DRC3: variants seen among roughly 807,000 people sequenced by gnomAD.
The protein encoded by DRC3 is dynein regulatory complex subunit 3, also known as leucine rich repeat containing 48.
In DRC3, 45 loss-of-function variants were observed where a neutral mutation model predicts 57.6. The observed-to-expected ratio is 0.78, with a 90% CI of 0.62 to 1.00. The LOEUF is 1.00. DRC3 is among the 50% of genes least tolerant of loss of function. The pLI is 0.00. For synonymous variants in DRC3, 257 were observed against 272.3 expected (o/e 0.94, Z 0.55); for missense variants, 655 against 675.2 (o/e 0.97, Z 0.33).
At chr17:17,993,292 C>G (rs1372591760) in intron 6 of DRC3, 1 of 180,396 alleles carries the variant, frequency 5.5e-6, no homozygotes, top group Non-Finnish European at 1.2e-5. Context: ...TCAAGACCAG[C>G]CTGGGCAACA....
At chr17:17,985,058 GCACC>G (rs1449385779) in intron 4 of DRC3, among the ~76,000 whole-genome samples, 1 of 152,134 alleles carries the variant, frequency 6.6e-6, no homozygotes, top group Non-Finnish European at 1.5e-5. Flanking sequence ...CTGCACTCTA[GCACC>G]CATTAATGCT....
rs2145189525 is a variant in DRC3 at position 17,977,496 on chromosome 17, G to A, written c.-17-86G>A. On this transcript the variant is annotated intron_variant, in intron 2 of 13. Coordinates refer to ENST00000399187, the MANE Select transcript of DRC3 (RefSeq NM_031294.4). ...TTCCTCAGAGTGCCAGTGGCCACAAGACACTACAGGGGGAAACCTCAGCCA... is the reference window on the plus strand; with the variant it reads ...TTCCTCAGAGTGCCAGTGGCCACAAAACACTACAGGGGGAAACCTCAGCCA... The A allele has an allele frequency of 2.0e-6, 3 of 1,514,304 alleles. No homozygotes were observed. In the East Asian group the frequency reaches 6.8e-5, roughly 34 times the overall value. 93.8% of individuals were successfully genotyped at this position (1,514,304 alleles called of 1,614,324 possible).
Position 18,004,399 on chromosome 17 carries a change from A to G in DRC3, c.1036A>G (p.Asn346Asp), listed in dbSNP as rs2043868706. The G allele has an allele frequency of 6.2e-7, 1 of 1,607,668 alleles. No homozygotes were observed. ...CATTCGAGAGGAGTTGGAACTGCCC[A>G]ACATTGAGAAGATGATCCTAGAATG... Reference protein sequence around the residue: ...SAIREELELPNIEKMILECSA... With the variant: ...SAIREELELPDIEKMILECSA... The change falls in exon 10 of 14, where the codon AAC (asparagine) becomes GAC (aspartate). Residue 346 changes from asparagine to aspartate, a missense_variant. By Grantham distance (23) the Asn-to-Asp change is conservative (BLOSUM62 1). Transcript: ENST00000399187.
Position 17,987,988 on chromosome 17 carries a change from G to C in DRC3, c.334G>C (p.Glu112Gln). 1.9e-6 allele frequency: 3 copies of C among 1,613,990 alleles called. No individual in the cohort carries two copies. In the South Asian group the frequency reaches 3.3e-5, roughly 18 times the overall value. ...GGGGCTGGACACACTGGTGAACCTG[G>C]AGGACCTGAGCTTGTTCAACAACCG... ...IEGLDTLVNL[E>Q]DLSLFNNRIS... The change falls in exon 5 of 14, where the codon GAG (glutamate) becomes CAG (glutamine). Residue 112 changes from glutamate (E) to glutamine (Q), a missense_variant. By Grantham distance (29) the Glu-to-Gln change is conservative. Transcript: ENST00000399187.
At chr17:17,992,013 G>T (rs1382761785) in intron 5 of DRC3, among the ~76,000 whole-genome samples, 1 of 152,150 alleles carries the variant, frequency 6.6e-6, no homozygotes, top group African/African-American at 2.4e-5. Context: ...GGTGGCTCAC[G>T]CCTGTAATTC....
Position 17,995,103 on chromosome 17 carries a change from C to A in DRC3, c.816C>A (p.Leu272=), listed in dbSNP as rs1414994135. ...CCTACCTGCCTGGTGTCGGTGAGCT[C>A]CTTGAGACATATCCTTCTGAGTTCA... The part of the protein sequence containing the change: ...NLSYLPGVGE[L]LETYKDKFVI... The change falls in exon 8 of 14, where the codon CTC becomes CTA. Residue 272 remains leucine, a synonymous_variant. Coordinates refer to ENST00000399187, the MANE Select transcript of DRC3 (RefSeq NM_031294.4). 6.2e-7 allele frequency: 1 copy of A among 1,612,008 alleles called. No individual in the cohort carries two copies. The highest frequency in any genetic ancestry group is 1.3e-5 in the African/African-American group (1 of 75,002).
At chr17:17,983,781 A>G (rs1369035677) in intron 3 of DRC3, 47 bp from the exon 4 acceptor site, 2 of 1,428,424 alleles carry the variant, frequency 1.4e-6, no homozygotes, top group Non-Finnish European at 2.0e-6. Flanking sequence ...CACTAGCACA[A>G]AACTCTGACC....
chr17:18,016,317 A>G, intron 13 of DRC3, 122 bp downstream of exon 13: 1 of 1,161,842 alleles, frequency 8.6e-7, no homozygotes, highest in South Asian at 1.4e-5. Context: ...AATAAAATTA[A>G]GGATTATAGA....
At position 18,016,714 on chromosome 17, in the gene DRC3, C is replaced by A; in HGVS notation, c.*43C>A. On this transcript the variant is annotated 3_prime_UTR_variant, in exon 14 of 14. Transcript: ENST00000399187. ...GAGCTTCTTCAAAACATAGCACCAG[C>A]CCCAGCCAGGAGAAGGAAGTGCACA... 7.4e-7 allele frequency: 1 copy of A among 1,347,234 alleles called. No homozygotes were observed. The highest frequency in any genetic ancestry group is 1.1e-6 in the Non-Finnish European group (1 of 944,720). 83.5% of individuals were successfully genotyped at this position (1,347,234 alleles called of 1,614,324 possible).
chr17:17,992,654 A>T (rs2145325360), intron 5 of DRC3, 111 bp from the exon 6 acceptor site: 1 of 1,195,608 alleles, frequency 8.4e-7, no homozygotes, highest in Admixed American at 2.3e-5. Flanking sequence ...CCCAGTGCTG[A>T]TGGTGCTGTG....
intron 2 of DRC3, among the ~76,000 whole-genome samples, chr17:17,976,185 G>T (rs2042377740): frequency 6.6e-6 from 1 of 152,138 alleles, no homozygotes; most frequent in South Asian, 2.1e-4. Context: ...AGTAGGGCCA[G>T]CAGGGAGGCA....
In DRC3 at chr17:17,977,712, G is replaced by A. The variant is rs777308184; in HGVS notation, c.114G>A (p.Glu38=). The A allele has an allele frequency of 1.6e-5, 26 of 1,613,518 alleles. No individual in the cohort carries two copies. The South Asian group carries it at 2.9e-4, about 18-fold the overall frequency. The change falls in exon 3 of 14, where the codon GAG becomes GAA. Residue 38 remains glutamate, a synonymous_variant. Coordinates refer to ENST00000399187, the MANE Select transcript of DRC3 (RefSeq NM_031294.4). The stretch of plus-strand genomic sequence containing the variant: ...AGGCCGGGCAGCTGGCCAAGCAGGA[G>A]GGCATCCTCTTCAAGGATGTCCTGT... ...QEEAGQLAKQ[E]GILFKDVLSL...
chr17:17,998,345 C>G (rs2043549416), intron 9 of DRC3, among the ~76,000 whole-genome samples: 1 of 152,176 alleles, frequency 6.6e-6, no homozygotes, highest in African/African-American at 2.4e-5. Context: ...GCCATGGGGT[C>G]CAGCCCAAGC....
At chr17:17,992,709 T>C in intron 5 of DRC3, 56 bp from the exon 6 acceptor site, 1 of 1,570,534 alleles carries the variant, frequency 6.4e-7, no homozygotes, top group Non-Finnish European at 8.7e-7. Flanking sequence ...GGTGCAGCTG[T>C]GTTTTCAACT....
chr17:17,993,944 TGGGAG>T, intron 6 of DRC3: 2 of 271,380 alleles, frequency 7.4e-6, no homozygotes, highest in Non-Finnish European at 1.5e-5. Flanking sequence ...TGAGGGCTGT[TGGGAG>T]TGAGAGAGCA....
chr17:17,977,459 G>C (rs2042440680), intron 2 of DRC3, 123 bp from the exon 3 acceptor site: 1 of 1,149,052 alleles, frequency 8.7e-7, no homozygotes, highest in East Asian at 2.5e-5. Flanking sequence ...ACCCAGGGCT[G>C]GGCGTGGGGC....
chr17:18,016,578 G>T lies in DRC3; in HGVS notation c.1479G>T (p.Met493Ile), dbSNP rs2044372083. The T allele has an allele frequency of 2.5e-6, 4 of 1,613,738 alleles. No homozygotes were observed. The highest frequency in any genetic ancestry group is 3.4e-6 in the Non-Finnish European group (4 of 1,179,694). Reference protein sequence around the residue: ...LIDRIHKDEIMRNRKRVKEIN... With the variant: ...LIDRIHKDEIIRNRKRVKEIN... ...CTCAGATTCACAAGGATGAGATCAT[G>T]AGGAACCGCAAGCGCGTGAAGGAGA... Residue 493 changes from methionine (M) to isoleucine (I), a missense_variant, in exon 14 of 14, where the codon ATG becomes ATT. By Grantham distance (10) the Met-to-Ile change is conservative. Transcript: ENST00000399187.
chr17:18,003,129 AGTTT>A (rs1372401194), intron 9 of DRC3, among the ~76,000 whole-genome samples: 1 of 152,102 alleles, frequency 6.6e-6, no homozygotes, highest in Admixed American at 6.6e-5. Flanking sequence ...GATGAGCGTT[AGTTT>A]AACAAGGTTT....
At chr17:17,976,965 C>T (rs554586399) in intron 2 of DRC3, among the ~76,000 whole-genome samples, 5 of 152,334 alleles carry the variant, frequency 3.3e-5, no homozygotes, top group East Asian at 1.9e-4. Context: ...CTATTCCTCC[C>T]CAGCTCAAGC....
Sources: allele counts gnomAD v4.1 joint callset (sites outside exome capture counted in the v4.1 genomes callset), GRCh38; gene constraint gnomAD v4.1.1; transcripts MANE v1.5; gene names NCBI Gene and HGNC (gene_info 2026-07-23, HGNC 2026-07-21).